TENT5D: variants seen among roughly 807,000 people sequenced by gnomAD.
TENT5D encodes terminal nucleotidyltransferase 5D.
For synonymous variants in TENT5D, 103 were observed against 100.6 expected, an observed-to-expected ratio of 1.02 and a Z score of -0.15; for missense variants, 191 against 287.0, an observed-to-expected ratio of 0.67 and a Z score of 2.42.
At position 80,421,288 on chromosome X, in the gene TENT5D, C is replaced by T. The variant is rs756095452; in HGVS notation, c.-142+725C>T. Among the ~76,000 whole-genome samples the T allele has an allele frequency of 2.6e-4, 29 of 111,534 alleles. 1 individual carries two copies. The highest frequency in any genetic ancestry group is 7.5e-5 in the Non-Finnish European group (4 of 53,051). On this transcript the variant is annotated intron_variant, in intron 1 of 2. Transcript: ENST00000308293. The stretch of plus-strand genomic sequence containing the variant: ...GCAATCTCTGCCTCCCAGGTTCAAG[C>T]GATTCTCCTGCCTCAGCCTCCAGAG...
intron 1 of TENT5D, among the ~76,000 whole-genome samples, chrX:80,425,951 C>T (rs967869386): frequency 1.1e-4 from 12 of 110,406 alleles, no homozygotes; most frequent in Middle Eastern, 4.6e-3. Flanking sequence ...CACTTGAATC[C>T]GGGAGGCAGA....
intron 3 of TENT5D, among the ~76,000 whole-genome samples, chrX:80,366,544 A>G (rs892055123): frequency 3.6e-5 from 4 of 111,459 alleles, no homozygotes; most frequent in Non-Finnish European, 7.5e-5. Context: ...CAAGTGCTAA[A>G]TGTTTTTGAA....
rs764009174 is a variant in TENT5D, at chrX:80,341,094, C to T, written c.-206-1406C>T. On this transcript the variant is annotated intron_variant, in intron 2 of 4. Coordinates refer to the TENT5D transcript ENST00000538312. ...TTTGAAGTCATTGTAAAAATTTTCACTTTGGAGGCAGTGGAAAGAACAGGG... is the reference window on the plus strand; with the variant it reads ...TTTGAAGTCATTGTAAAAATTTTCATTTTGGAGGCAGTGGAAAGAACAGGG... Among the ~76,000 whole-genome samples the T allele has an allele frequency of 9.8e-5, 11 of 111,910 alleles. No homozygotes were observed. In the South Asian group the frequency reaches 4.1e-3, roughly 42 times the overall value.
intron 3 of TENT5D, among the ~76,000 whole-genome samples, chrX:80,411,211 A>T (rs1232679960): frequency 9.2e-6 from 1 of 109,266 alleles, no homozygotes; most frequent in Non-Finnish European, 1.9e-5. Context: ...AACCTGCACA[A>T]TGTGCACATG....
intron 2 of TENT5D, among the ~76,000 whole-genome samples, chrX:80,339,097 A>T (rs1214338813): frequency 9.0e-6 from 1 of 111,278 alleles, no homozygotes; most frequent in Non-Finnish European, 1.9e-5. Flanking sequence ...CAAACACAGC[A>T]ACAACAACAA....
chrX:80,425,920 G>A (rs1022097828), intron 1 of TENT5D, among the ~76,000 whole-genome samples: 2 of 110,353 alleles, frequency 1.8e-5, no homozygotes, highest in South Asian at 3.9e-4. Flanking sequence ...CCAGCTACTC[G>A]GGAGGCTGAG....
At chrX:80,410,129 C>T (rs1395168163) in intron 3 of TENT5D, among the ~76,000 whole-genome samples, 2 of 105,271 alleles carry the variant, frequency 1.9e-5, no homozygotes, top group Non-Finnish European at 2.0e-5. Context: ...AGACCTAAAA[C>T]CATAAAAACC....
At chrX:80,442,973 G>A (rs1443036303) in exon 3 of TENT5D, 1 of 1,211,389 alleles carries the variant, frequency 8.3e-7, no homozygotes, top group East Asian at 3.0e-5. Context: ...GATTGTTGGA[G>A]TCTTATCTCC....
chrX:80,388,916 A>G (rs1347389975), intron 3 of TENT5D, among the ~76,000 whole-genome samples: 4 of 111,395 alleles, frequency 3.6e-5, no homozygotes, highest in African/African-American at 1.3e-4. Context: ...TCAGTTTCCA[A>G]CCACTAGGAT....
At chrX:80,429,116 G>C (rs1256881836) in intron 1 of TENT5D, among the ~76,000 whole-genome samples, 2 of 111,314 alleles carry the variant, frequency 1.8e-5, no homozygotes, top group African/African-American at 3.3e-5. Context: ...TCATTTGTGA[G>C]ACAGGCCCTG....
At chrX:80,414,463 C>T (rs1931728532) in intron 3 of TENT5D, among the ~76,000 whole-genome samples, 2 of 111,697 alleles carry the variant, frequency 1.8e-5, no homozygotes, top group African/African-American at 6.5e-5. Flanking sequence ...AAGGACGTGC[C>T]CGCAACAGCC....
At chrX:80,421,791 TC>T (rs1293910807) in intron 1 of TENT5D, among the ~76,000 whole-genome samples, 2 of 111,240 alleles carry the variant, frequency 1.8e-5, no homozygotes, top group East Asian at 5.7e-4. Flanking sequence ...GGAGGGGACT[TC>T]CCCATGATAA....
chrX:80,401,995 G>A (rs1355890665), intron 3 of TENT5D, among the ~76,000 whole-genome samples: 1 of 111,414 alleles, frequency 9.0e-6, no homozygotes, highest in Non-Finnish European at 1.9e-5. Context: ...TTAAATGTTT[G>A]GTAAAATTCA....
chrX:80,347,177 C>T (rs1279788079), intron 3 of TENT5D, among the ~76,000 whole-genome samples: 1 of 111,243 alleles, frequency 9.0e-6, no homozygotes, highest in Non-Finnish European at 1.9e-5. Flanking sequence ...ATTTATAATC[C>T]TGTGGGTATA....
At chrX:80,335,631 G>A (rs1231005195) in intron 1 of TENT5D, 1 of 111,864 alleles carries the variant, frequency 8.9e-6, no homozygotes, top group Non-Finnish European at 1.9e-5. Flanking sequence ...TTAACCTTCC[G>A]CCCCACCTCT....
intron 3 of TENT5D, among the ~76,000 whole-genome samples, chrX:80,396,425 CCA>C (rs1931243730): frequency 1.8e-5 from 2 of 110,289 alleles, no homozygotes; most frequent in Admixed American, 1.9e-4. Context: ...CTGCGGCCTT[CCA>C]CAGTGTTTGT....
At chrX:80,371,223 G>T (rs923487202) in intron 3 of TENT5D, among the ~76,000 whole-genome samples, 1 of 111,758 alleles carries the variant, frequency 8.9e-6, no homozygotes, top group African/African-American at 3.2e-5. Context: ...TGAGCAGGAG[G>T]TCTTAACAGT....
exon 3 of TENT5D, chrX:80,443,232 T>C: frequency 8.3e-7 from 1 of 1,211,130 alleles, no homozygotes; most frequent in East Asian, 3.0e-5. Context: ...CTGAAGAGAT[T>C]AGAGGTGGTG....
intron 2 of TENT5D, among the ~76,000 whole-genome samples, chrX:80,337,023 A>T (rs186734879): frequency 1.8e-5 from 2 of 111,849 alleles, no homozygotes; most frequent in Non-Finnish European, 3.8e-5. Flanking sequence ...TAGATATCTG[A>T]TTTCTTAAAG....
Sources: gnomAD v4.1 joint callset for allele counts (sites outside exome capture counted in the v4.1 genomes callset) on GRCh38, gnomAD v4.1.1 for gene constraint, MANE v1.5 for transcripts, NCBI Gene and HGNC (gene_info 2026-07-23, HGNC 2026-07-21) for gene names.